WDR33: variants seen among roughly 807,000 people sequenced by gnomAD.
WDR33 encodes the protein pre-mRNA 3' end processing protein WDR33.
Under a neutral mutation model 164.9 loss-of-function variants are expected in WDR33, and 47 were observed. The observed-to-expected ratio is 0.29, with a 90% CI of 0.23 to 0.36. WDR33 has a LOEUF of 0.36. Ranked by LOEUF, WDR33 falls within the 10% of genes least tolerant of loss-of-function variation. The probability of loss-of-function intolerance (pLI) is 1.00; values close to 1 mark genes in which losing one functional copy is unlikely to be tolerated. For synonymous variants in WDR33, 505 were observed against 589.0 expected, an observed-to-expected ratio of 0.86 and a Z score of 2.06; for missense variants, 1,137 against 1,754.1, an observed-to-expected ratio of 0.65 and a Z score of 6.28.
At chr2:127,803,947 CAAA>C (rs559652976) in intron 1 of WDR33, among the ~76,000 whole-genome samples, 707 of 61,888 alleles carry the variant, frequency 0.011, 1 homozygote, top group African/African-American at 0.039. Flanking sequence ...GACCCAGTCT[CAAA>C]AAAAAAAAAA....
chr2:127,707,310 T>C (rs1165338008), intron 21 of WDR33, among the ~76,000 whole-genome samples: 3 of 151,198 alleles, frequency 2.0e-5, no homozygotes, highest in Admixed American at 6.6e-5. Flanking sequence ...CAGGAAATGA[T>C]AGGATTTGGT....
rs202231773 is a variant in WDR33, at chr2:127,766,774, C to CT, written c.378+1414dup. The stretch of plus-strand genomic sequence containing the variant: ...TGCTTCTACTCACATAACAATGTTT[C>CT]TTTTTTTTTTTTGAAACAGAGTTTC... On this transcript the variant is annotated intron_variant, in intron 4 of 21. Coordinates refer to ENST00000322313, the MANE Select transcript of WDR33 (RefSeq NM_018383.5). Among the ~76,000 whole-genome samples the CT allele has an allele frequency of 5.8e-4, 85 of 146,394 alleles. 1 individual carries two copies. The highest frequency in any genetic ancestry group is 3.9e-3 in the South Asian group (18 of 4,640).
chr2:127,767,385 T>C (rs746694415), intron 4 of WDR33, among the ~76,000 whole-genome samples: 20 of 152,184 alleles, frequency 1.3e-4, no homozygotes, highest in Admixed American at 5.2e-4. Flanking sequence ...AACTAAAAAT[T>C]ATATTTTTTA....
At position 127,724,884 on chromosome 2, in the gene WDR33, T is replaced by C. The variant is rs1326027372; in HGVS notation, c.1085+3A>G. The C allele has an allele frequency of 6.2e-7, 1 of 1,614,084 alleles. No individual in the cohort carries two copies. The highest frequency in any genetic ancestry group is 1.1e-5 in the South Asian group (1 of 91,082). On this transcript the variant is annotated splice_donor_region_variant and intron_variant, in intron 10 of 21. Transcript: ENST00000322313. The surrounding 1 kb of genome is among the most constrained non-coding windows in gnomAD (Gnocchi z 4.8). ...ACTACTTTTTCACATAAATCTTACA[T>C]ACCCAACATGCCAGAATAACAAAGA...
intron 1 of WDR33, among the ~76,000 whole-genome samples, chr2:127,789,543 C>A (rs1161141110): frequency 6.7e-6 from 1 of 149,438 alleles, no homozygotes; most frequent in Non-Finnish European, 1.5e-5. Context: ...CCACCAAAAC[C>A]AGTCAGGCGT....
In WDR33 at chr2:127,708,747, A is replaced by G. The variant is rs745823317; in HGVS notation, c.3711T>C (p.Asp1237=). The change falls in exon 21 of 22, where the codon GAT becomes GAC. Residue 1237 remains aspartate, a synonymous_variant. Coordinates refer to ENST00000322313, the MANE Select transcript of WDR33 (RefSeq NM_018383.5). The surrounding 1 kb of genome is among the most constrained non-coding windows in gnomAD (Gnocchi z 6.7). ...CTCTGTGCTCAGAAGTGCCTGGGCC[A>G]TCATGCCAGGGGCGCTTTCGGGGAG... ...SLPPRKRPWH[D]GPGTSEHREM... 1.2e-6 allele frequency: 2 copies of G among 1,613,740 alleles called. No homozygotes were observed. The highest frequency in any genetic ancestry group is 1.1e-5 in the South Asian group (1 of 90,990).
chr2:127,753,730 T>C (rs1346189321), intron 7 of WDR33, among the ~76,000 whole-genome samples: 1 of 152,224 alleles, frequency 6.6e-6, no homozygotes, highest in African/African-American at 2.4e-5. Context: ...TAAAAGAATA[T>C]GGAGGCATCT....
Position 127,722,292 on chromosome 2 carries a change from G to A in WDR33, c.1518+299C>T, listed in dbSNP as rs1282463041. Among the ~76,000 whole-genome samples, 1 of 152,182 alleles carries A rather than the reference G, an allele frequency of 6.6e-6. No homozygotes were observed. The highest frequency in any genetic ancestry group is 6.5e-5 in the Admixed American group (1 of 15,282). On this transcript the variant is annotated intron_variant, in intron 14 of 21. Transcript: ENST00000322313. This position sits in a 1 kb window ranked among gnomAD's most constrained non-coding sequence, Gnocchi z 5.1. Reference sequence around the variant, plus strand: ...GAGGGGACAATTAAAGCACAAGATAGATAAACAATGGAGAAGAGAAGCAAC... The same window carrying A: ...GAGGGGACAATTAAAGCACAAGATAAATAAACAATGGAGAAGAGAAGCAAC...
intron 7 of WDR33, among the ~76,000 whole-genome samples, chr2:127,754,879 C>T (rs534586572): frequency 4.6e-5 from 7 of 152,112 alleles, no homozygotes; most frequent in Non-Finnish European, 5.9e-5. Context: ...TAACTATAAT[C>T]GCAAGTCTCT....
chr2:127,773,027 T>C (rs1333678911), intron 1 of WDR33, among the ~76,000 whole-genome samples: 1 of 151,772 alleles, frequency 6.6e-6, no homozygotes, highest in Non-Finnish European at 1.5e-5. Flanking sequence ...TCCCAACTAC[T>C]CAGGAGACTG....
At position 127,701,563 on chromosome 2, in the gene WDR33, T is replaced by C; in HGVS notation, c.*4760A>G. The C allele has an allele frequency of 7.3e-7, 1 of 1,367,728 alleles. No individual in the cohort carries two copies. The highest frequency in any genetic ancestry group is 9.4e-7 in the Non-Finnish European group (1 of 1,058,934). 84.7% of individuals were successfully genotyped at this position (1,367,728 alleles called of 1,614,324 possible). ...CTCCACCGCCAGCTGCAGGAGTACC[T>C]GGCGCAGGGGAAAGCTGGCGGCCCG... On this transcript the variant is annotated 3_prime_UTR_variant, in exon 22 of 22. Coordinates refer to ENST00000322313, the MANE Select transcript of WDR33 (RefSeq NM_018383.5).
rs13393810 is a variant in WDR33, at chr2:127,806,500, C to T, written c.-24+4512G>A. Among the ~76,000 whole-genome samples the T allele has an allele frequency of 6.2e-3, 946 of 152,204 alleles. 6 individuals are homozygous for T. The highest frequency in any genetic ancestry group is 0.022 in the African/African-American group (901 of 41,558). ...GGGATTACAGGCGTGAGCCACTGCG[C>T]CCGGCCTCTCTTTAGTTGTTTTCAC... On this transcript the variant is annotated intron_variant, in intron 1 of 21. Coordinates refer to ENST00000322313, the MANE Select transcript of WDR33 (RefSeq NM_018383.5).
intron 8 of WDR33, 109 bp from the exon 9 acceptor site, chr2:127,725,324 G>T (rs1573890322): frequency 1.8e-6 from 2 of 1,111,948 alleles, no homozygotes; most frequent in African/African-American, 3.2e-5. Context: ...GTTTGGCCTA[G>T]AAGCAATAAA....
intron 7 of WDR33, among the ~76,000 whole-genome samples, chr2:127,730,901 T>TTTTG (rs147541330): frequency 2.0e-5 from 3 of 151,924 alleles, no homozygotes; most frequent in African/African-American, 2.4e-5. Context: ...TCTCGATTTT[T>TTTTG]TTTGTTTGTT....
At chr2:127,765,823 CCATT>C (rs1214557939) in intron 4 of WDR33, among the ~76,000 whole-genome samples, 2 of 151,574 alleles carry the variant, frequency 1.3e-5, no homozygotes, top group Non-Finnish European at 2.9e-5. Flanking sequence ...AAGCTCTCCT[CCATT>C]CAAAGTACCA....
At chr2:127,788,295 G>T (rs1484482496) in intron 1 of WDR33, among the ~76,000 whole-genome samples, 1 of 127,476 alleles carries the variant, frequency 7.8e-6, no homozygotes, top group Non-Finnish European at 1.7e-5. Context: ...CGGGCGGGGG[G>T]CTGACCCCCC....
chr2:127,730,548 AATT>A (rs1409626157), intron 7 of WDR33, among the ~76,000 whole-genome samples: 1 of 151,938 alleles, frequency 6.6e-6, no homozygotes, highest in Non-Finnish European at 1.5e-5. Flanking sequence ...TTAGAAGTGG[AATT>A]ATTAAACAAA....
intron 1 of WDR33, among the ~76,000 whole-genome samples, chr2:127,800,127 T>C (rs73955217): frequency 0.027 from 4,100 of 152,266 alleles, 202 homozygotes; most frequent in African/African-American, 0.093. Context: ...CAAAATACCA[T>C]GTGACCCAGC....
At position 127,723,054 on chromosome 2, in the gene WDR33, GT is replaced by G; in HGVS notation, c.1292-11del. Reference sequence around the variant, plus strand: ...TTAGGTTCGAGGTCATCTATAAATAGTAATACACCATTGTCAATAGAGAATT... The same window carrying G: ...TTAGGTTCGAGGTCATCTATAAATAGAATACACCATTGTCAATAGAGAATT... On this transcript the variant is annotated splice_polypyrimidine_tract_variant and intron_variant, in intron 12 of 21. Coordinates refer to ENST00000322313, the MANE Select transcript of WDR33 (RefSeq NM_018383.5). The surrounding 1 kb of genome is among the most constrained non-coding windows in gnomAD (Gnocchi z 5.9). 6.3e-7 allele frequency: 1 copy of G among 1,594,224 alleles called. No individual in the cohort carries two copies. The highest frequency in any genetic ancestry group is 8.5e-7 in the Non-Finnish European group (1 of 1,171,846).
Sources: gnomAD v4.1 joint callset for allele counts (sites outside exome capture counted in the v4.1 genomes callset) on GRCh38, gnomAD v4.1.1 for gene constraint, Gnocchi (gnomAD v3.1) non-coding constraint, MANE v1.5 for transcripts, NCBI Gene and HGNC (gene_info 2026-07-23, HGNC 2026-07-21) for gene names.